NCAPD3: variants seen among roughly 807,000 people sequenced by gnomAD.
The protein encoded by NCAPD3 is non-SMC condensin II complex subunit D3, also known as condensin-2 complex subunit D3.
A neutral mutation model predicts 182.9 loss-of-function variants in NCAPD3; 105 were observed. That is an observed-to-expected ratio of 0.57 (90% CI 0.49 to 0.68). The LOEUF (loss-of-function observed/expected upper bound fraction) is 0.68, where lower values mean the gene tolerates loss of function less well. Ranked by LOEUF, NCAPD3 falls within the 30% of genes least tolerant of loss-of-function variation. NCAPD3 has a pLI of 0.00. For synonymous variants in NCAPD3, 815 were observed against 679.9 expected (o/e 1.20, Z -3.09); for missense variants, 1,944 against 1,837.0 (o/e 1.06, Z -1.07).
intron 17 of NCAPD3, 93 bp from the exon 18 acceptor site, chr11:134,185,093 A>G (rs757355813): frequency 1.6e-5 from 18 of 1,094,602 alleles, no homozygotes; most frequent in Non-Finnish European, 2.5e-5. Flanking sequence ...CACTGGAGGA[A>G]GCAGGGTAGG....
At chr11:134,208,141 A>G (rs927394097) in intron 7 of NCAPD3, among the ~76,000 whole-genome samples, 1 of 152,210 alleles carries the variant, frequency 6.6e-6, no homozygotes, top group Non-Finnish European at 1.5e-5. Flanking sequence ...GGAACCCCCC[A>G]AGCATCCCCA....
rs768142178 is a variant in NCAPD3, at chr11:134,206,747, A to T, written c.883-15T>A. On this transcript the variant is annotated splice_polypyrimidine_tract_variant and intron_variant, in intron 7 of 34. Transcript: ENST00000534548. ...CAACTGATGACCTAGAAGAGAAAAGAAAATTCAATTTAAGATCGGATGGAG... is the reference window on the plus strand; with the variant it reads ...CAACTGATGACCTAGAAGAGAAAAGTAAATTCAATTTAAGATCGGATGGAG... 5 of 1,596,692 alleles carry T rather than the reference A, an allele frequency of 3.1e-6. No homozygotes were observed. Among genetic ancestry groups the T allele is most frequent in the Non-Finnish European group, 4.3e-6 (5 of 1,173,470 alleles).
At chr11:134,182,672 C>A (rs916969132) in intron 19 of NCAPD3, among the ~76,000 whole-genome samples, 3 of 152,222 alleles carry the variant, frequency 2.0e-5, no homozygotes, top group South Asian at 2.1e-4. Context: ...TCTACTGATA[C>A]AAGATCTCAT....
chr11:134,207,637 G>C (rs1937658705), intron 7 of NCAPD3, among the ~76,000 whole-genome samples: 1 of 151,786 alleles, frequency 6.6e-6, no homozygotes, highest in South Asian at 2.1e-4. Context: ...CAGCCACTAG[G>C]GGGTGCTGAG....
At position 134,188,677 on chromosome 11, in the gene NCAPD3, G is replaced by A. The variant is rs576121757; in HGVS notation, c.2046-3151C>T. 1.7e-4 allele frequency among the ~76,000 whole-genome samples: 26 copies of A among 152,222 alleles called. 1 individual carries two copies. In the South Asian group the frequency reaches 3.3e-3, roughly 19 times the overall value. On this transcript the variant is annotated intron_variant, in intron 16 of 34. Coordinates refer to ENST00000534548, the MANE Select transcript of NCAPD3 (RefSeq NM_015261.3). ...TCACTCCTGAAGTCAGCGAGACCAC[G>A]AACCCACCAGAGGGAAGAAACTCCA... is the stretch of plus-strand genomic sequence containing the variant.
intron 13 of NCAPD3, 152 bp downstream of exon 13, chr11:134,202,664 C>T: frequency 3.7e-6 from 2 of 545,068 alleles, no homozygotes; most frequent in Non-Finnish European, 3.1e-6. Flanking sequence ...TATGGGATTA[C>T]AGGCATGAGT....
intron 28 of NCAPD3, 144 bp downstream of exon 28, chr11:134,161,637 A>G (rs1171846568): frequency 1.5e-6 from 1 of 654,748 alleles, no homozygotes; most frequent in African/African-American, 1.9e-5. Context: ...CCCTAGCTCC[A>G]CAGCAGTTAC....
Position 134,196,524 on chromosome 11 carries a change from T to C in NCAPD3, c.1616-1786A>G, listed in dbSNP as rs1302352391. 4.6e-5 allele frequency among the ~76,000 whole-genome samples: 7 copies of C among 151,356 alleles called. No individual in the cohort carries two copies. In the East Asian group the frequency reaches 5.8e-4, roughly 13 times the overall value. ...TGCCGGGTGTGGGGGCGGGTGCTTG[T>C]AGTCCCAGATACTCAGGAGGCTGAG... On this transcript the variant is annotated intron_variant, in intron 13 of 34. Transcript: ENST00000534548.
At chr11:134,165,753 GAT>G (rs1258734708) in intron 27 of NCAPD3, among the ~76,000 whole-genome samples, 1 of 147,816 alleles carries the variant, frequency 6.8e-6, no homozygotes, top group Admixed American at 6.7e-5. Flanking sequence ...TCACTTGTGA[GAT>G]GAGCTTGGGG....
At chr11:134,211,513 C>A (rs10894787) in intron 3 of NCAPD3, among the ~76,000 whole-genome samples, 66,691 of 151,762 alleles carry the variant, frequency 0.44, 16,886 homozygotes, top group African/African-American at 0.71. Context: ...AAAAACAACA[C>A]AAAATGTCCA....
rs143335772 is a variant in NCAPD3 at position 134,194,073 on chromosome 11, C to T, written c.1767G>A (p.Arg589=). ...GCTTCCGGACAGACACTGCAGGGTC[C>T]CGACACTGGTCCTGCAGAATCCACA... ...EDLWILQDQC[R]DPAVSVRKQA... is the part of the protein sequence containing the mutation. Residue 589 remains arginine (R), a synonymous_variant, in exon 15 of 35, where the codon CGG becomes CGA. Coordinates refer to ENST00000534548, the MANE Select transcript of NCAPD3 (RefSeq NM_015261.3). 6.2e-7 allele frequency: 1 copy of T among 1,614,114 alleles called. No homozygotes were observed. The highest frequency in any genetic ancestry group is 1.7e-5 in the Admixed American group (1 of 60,032).
At chr11:134,184,530 T>C (rs774452917) in intron 19 of NCAPD3, 107 bp downstream of exon 19, 1 of 743,740 alleles carries the variant, frequency 1.3e-6, no homozygotes, top group Non-Finnish European at 2.2e-6. Context: ...GGGACATCCT[T>C]ACACGTCCTC....
Position 134,168,032 on chromosome 11 carries a change from T to C in NCAPD3, c.3537A>G (p.Val1179=). ...GCTTCTTCTGAGCTTCCTGCATGAC[T>C]ACATTTGCCAAGGCCATGTCATCTT... is the stretch of plus-strand genomic sequence containing the variant. ...MEEDDMALAN[V]VMQEAQKKLI... Residue 1179 remains valine, a synonymous_variant, in exon 27 of 35, where the codon GTA becomes GTG. Coordinates refer to ENST00000534548, the MANE Select transcript of NCAPD3 (RefSeq NM_015261.3). The C allele has an allele frequency of 1.9e-6, 3 of 1,613,880 alleles. No individual in the cohort carries two copies. Among genetic ancestry groups the C allele is most frequent in the Non-Finnish European group, 2.5e-6 (3 of 1,179,780 alleles).
chr11:134,167,240 G>C (rs1339673624), intron 27 of NCAPD3, among the ~76,000 whole-genome samples: 4 of 128,418 alleles, frequency 3.1e-5, no homozygotes, highest in Admixed American at 2.5e-4. Flanking sequence ...TGGGGGAGGC[G>C]CACACTCGTG....
At position 134,151,712 on chromosome 11, in the gene NCAPD3, C is replaced by T. The variant is rs1315225568; in HGVS notation, c.*1232G>A. ...CTTGTACTAACACACCGTAATTTGG[C>T]ATTTGTTTAACCTCATTTATAAAAG... On this transcript the variant is annotated 3_prime_UTR_variant, in exon 35 of 35. Transcript: ENST00000534548. 1 of 152,224 alleles carries T rather than the reference C, an allele frequency of 6.6e-6. No individual in the cohort carries two copies. Among genetic ancestry groups the T allele is most frequent in the African/African-American group, 2.4e-5 (1 of 41,444 alleles). 9.4% of individuals were successfully genotyped at this position (152,224 alleles called of 1,614,324 possible). A position where few individuals can be genotyped will look rare whatever the true frequency, so the allele number is the denominator to read the frequency against.
At chr11:134,214,783 T>G (rs1485783675) in intron 3 of NCAPD3, among the ~76,000 whole-genome samples, 1 of 152,178 alleles carries the variant, frequency 6.6e-6, no homozygotes, top group African/African-American at 2.4e-5. Context: ...ACTTCACTAG[T>G]GGGTTCTACC....
In NCAPD3 at chr11:134,223,909, G is replaced by C; in HGVS notation, c.18C>G (p.Gly6=). The change falls in exon 1 of 35, where the codon GGC becomes GGG. Residue 6 remains glycine (G), a synonymous_variant. Transcript: ENST00000534548. Reference sequence around the variant, plus strand: ...ACCAGGGCTGCAGGCCGCTACCAAGGCCCCGCAACGCCACCATGATCCCAG... The same window carrying C: ...ACCAGGGCTGCAGGCCGCTACCAAGCCCCCGCAACGCCACCATGATCCCAG... MVALR[G]LGSGLQPWCP... is the part of the protein sequence containing the mutation. 6.2e-7 allele frequency: 1 copy of C among 1,612,682 alleles called. No individual in the cohort carries two copies. Among genetic ancestry groups the C allele is most frequent in the East Asian group, 2.2e-5 (1 of 44,860 alleles).
At position 134,208,869 on chromosome 11, in the gene NCAPD3, C is replaced by G; in HGVS notation, c.877G>C (p.Asp293His). 1 of 1,609,960 alleles carries G rather than the reference C, an allele frequency of 6.2e-7. No homozygotes were observed. The change falls in exon 7 of 35, where the codon GAT (aspartate) becomes CAT (histidine). Residue 293 changes from aspartate (D) to histidine (H), a missense_variant. Asp to His is a moderately conservative substitution (Grantham distance 81). Coordinates refer to ENST00000534548, the MANE Select transcript of NCAPD3 (RefSeq NM_015261.3). ...TAGGTTCTCATCTCCTTTACCTTAT[C>G]TCCTTCTCCATGAATGGGAGAGCAC... ...LLCSPIHGEG[D>H]KVISCVFHQM...
Position 134,159,756 on chromosome 11 carries a change from C to G in NCAPD3, c.3867+136G>C, listed in dbSNP as rs150190855. ...CAGAAAGGCACGAGGGAGTGGCCAA[C>G]AAGCAGCACTCTCGAGGCCTTCGGG... is the stretch of plus-strand genomic sequence containing the variant. On this transcript the variant is annotated intron_variant, in intron 29 of 34. Transcript: ENST00000534548. The G allele has an allele frequency of 1.6e-3, 1,409 of 901,638 alleles. 13 individuals are homozygous for G. Among genetic ancestry groups the G allele is most frequent in the Non-Finnish European group, 6.4e-4 (394 of 612,044 alleles). The allele number at this position is 901,638 out of a possible 1,614,324, so 55.9% of individuals were successfully genotyped here. A position where few individuals can be genotyped will look rare whatever the true frequency, so the allele number is the denominator to read the frequency against.
Sources: allele counts gnomAD v4.1 joint callset (sites outside exome capture counted in the v4.1 genomes callset), GRCh38; gene constraint gnomAD v4.1.1; transcripts MANE v1.5; gene names NCBI Gene and HGNC (gene_info 2026-07-23, HGNC 2026-07-21).